SLC35F1: variants seen among roughly 807,000 people sequenced by gnomAD.
The protein encoded by SLC35F1 is solute carrier family 35 member F1.
In SLC35F1, 14 loss-of-function variants were observed where a neutral mutation model predicts 48.7. That is an observed-to-expected ratio of 0.29 (90% CI 0.19 to 0.45). The LOEUF (loss-of-function observed/expected upper bound fraction) is 0.45. SLC35F1 is among the 20% of genes least tolerant of loss of function. The pLI is 1.00. For missense variants in SLC35F1, 404 were observed against 500.0 expected, an observed-to-expected ratio of 0.81 and a Z score of 1.83; for synonymous variants, 190 against 202.2, an observed-to-expected ratio of 0.94 and a Z score of 0.51.
rs1186188932 is a variant in SLC35F1 at position 118,227,195 on chromosome 6, A to C, written c.350-8314A>C. Reference sequence around the variant, plus strand: ...GCTTTCTGGAGCCTGGAAACATGGCAGCCCTGAGGGAGAGGCCCAACCTGG... The same window carrying C: ...GCTTTCTGGAGCCTGGAAACATGGCCGCCCTGAGGGAGAGGCCCAACCTGG... On this transcript the variant is annotated intron_variant, in intron 2 of 7. Transcript: ENST00000360388. 2.6e-5 allele frequency among the ~76,000 whole-genome samples: 4 copies of C among 152,198 alleles called. No individual in the cohort carries two copies. In the East Asian group the frequency reaches 7.7e-4, roughly 29 times the overall value.
At position 118,310,380 on chromosome 6, in the gene SLC35F1, G is replaced by A. The variant is rs566798391; in HGVS notation, c.1003-3648G>A. 2.0e-5 allele frequency among the ~76,000 whole-genome samples: 3 copies of A among 152,226 alleles called. No individual in the cohort carries two copies. In the East Asian group the frequency reaches 5.8e-4, roughly 29 times the overall value. On this transcript the variant is annotated intron_variant, in intron 7 of 7. Transcript: ENST00000360388. ...CCTAGATTGTACAATACTTTTGTCT[G>A]GTTGATTGGTTTTTTAAATGAATGT...
rs1351583222 is a variant in SLC35F1 at position 118,284,913 on chromosome 6, TC to T, written c.848-270del. Among the ~76,000 whole-genome samples the T allele has an allele frequency of 8.1e-3, 1,231 of 152,310 alleles. 11 individuals carry two copies. The highest frequency in any genetic ancestry group is 0.028 in the African/African-American group (1,147 of 41,554). ...AAACCTTGATTCTGTGTTCTGACTA[TC>T]GCCACTAAGAGGCACTCCTTCCCAG... is the stretch of plus-strand genomic sequence containing the variant. On this transcript the variant is annotated intron_variant, in intron 6 of 7. Coordinates refer to ENST00000360388, the MANE Select transcript of SLC35F1 (RefSeq NM_001029858.4).
chr6:118,013,674 AT>A (rs1302218977), intron 1 of SLC35F1, among the ~76,000 whole-genome samples: 1 of 152,198 alleles, frequency 6.6e-6, no homozygotes, highest in Non-Finnish European at 1.5e-5. Context: ...TCGGTTTTTG[AT>A]TCATGTGATG....
intron 3 of SLC35F1, among the ~76,000 whole-genome samples, chr6:118,246,022 G>A (rs918952006): frequency 2.4e-4 from 37 of 152,218 alleles, no homozygotes; most frequent in African/African-American, 8.9e-4. Flanking sequence ...TTTCTCTCTA[G>A]TATGGACTTC....
intron 3 of SLC35F1, among the ~76,000 whole-genome samples, chr6:118,242,020 A>G (rs1047661344): frequency 6.6e-6 from 1 of 152,214 alleles, no homozygotes; most frequent in African/African-American, 2.4e-5. Context: ...TTATAAGTAA[A>G]GCTGCTGTGA....
At chr6:118,122,499 A>G (rs751088463) in intron 1 of SLC35F1, among the ~76,000 whole-genome samples, 32 of 152,202 alleles carry the variant, frequency 2.1e-4, no homozygotes, top group Non-Finnish European at 3.8e-4. Flanking sequence ...CCAACTTCCA[A>G]TTTAACCCCA....
At chr6:118,028,296 T>C (rs1771987613) in intron 1 of SLC35F1, among the ~76,000 whole-genome samples, 1 of 152,086 alleles carries the variant, frequency 6.6e-6, no homozygotes, top group Non-Finnish European at 1.5e-5. Flanking sequence ...TCAGTGAATA[T>C]TGTTTCCAGT....
At chr6:118,012,456 C>T (rs1311757732) in intron 1 of SLC35F1, among the ~76,000 whole-genome samples, 2 of 152,020 alleles carry the variant, frequency 1.3e-5, no homozygotes, top group African/African-American at 2.4e-5. Context: ...TTCTAGAGTT[C>T]CATACTTATT....
At chr6:117,978,830 T>C (rs983737003) in intron 1 of SLC35F1, among the ~76,000 whole-genome samples, 1 of 152,230 alleles carries the variant, frequency 6.6e-6, no homozygotes, top group Non-Finnish European at 1.5e-5. Flanking sequence ...TCCCATTACT[T>C]ACACTCCAAA....
intron 4 of SLC35F1, among the ~76,000 whole-genome samples, chr6:118,267,965 G>T (rs1775799434): frequency 1.3e-5 from 2 of 152,054 alleles, no homozygotes; most frequent in South Asian, 4.1e-4. Flanking sequence ...ATTAGAAATG[G>T]GATAGAAAGT....
intron 1 of SLC35F1, among the ~76,000 whole-genome samples, chr6:118,144,242 G>A (rs1394148754): frequency 1.3e-5 from 2 of 152,108 alleles, no homozygotes; most frequent in Non-Finnish European, 2.9e-5. Flanking sequence ...ATACACTACA[G>A]AATACTATGC....
intron 1 of SLC35F1, among the ~76,000 whole-genome samples, chr6:118,018,783 A>T (rs1334439391): frequency 6.6e-6 from 1 of 152,184 alleles, no homozygotes. Flanking sequence ...TTGCAGTGGT[A>T]TGCAGTCCAG....
chr6:118,054,370 G>T (rs535886531), intron 1 of SLC35F1, among the ~76,000 whole-genome samples: 99 of 152,144 alleles, frequency 6.5e-4, no homozygotes, highest in Admixed American at 1.9e-3. Context: ...AAATAAAAAG[G>T]GTACTGTTTT....
At chr6:118,253,625 C>T (rs1316681231) in intron 3 of SLC35F1, among the ~76,000 whole-genome samples, 1 of 151,904 alleles carries the variant, frequency 6.6e-6, no homozygotes, top group Non-Finnish European at 1.5e-5. Flanking sequence ...GAACAAGATG[C>T]ATCCACAAAA....
chr6:117,986,635 G>C (rs1582601672), intron 1 of SLC35F1, among the ~76,000 whole-genome samples: 1 of 152,114 alleles, frequency 6.6e-6, no homozygotes, highest in Admixed American at 6.5e-5. Context: ...CTGCCTGGCT[G>C]ACCCCAATGC....
intron 1 of SLC35F1, chr6:117,999,144 T>C (rs990633529): frequency 1.3e-5 from 20 of 1,593,630 alleles, no homozygotes; most frequent in Non-Finnish European, 1.7e-5. Context: ...CTAAAGAAGA[T>C]GCAGGCCAAC....
At chr6:117,949,085 A>G (rs1385445666) in intron 1 of SLC35F1, among the ~76,000 whole-genome samples, 1 of 152,176 alleles carries the variant, frequency 6.6e-6, no homozygotes, top group Non-Finnish European at 1.5e-5. Context: ...ATTCTGAAAC[A>G]ACCCTCTGAG....
intron 1 of SLC35F1, among the ~76,000 whole-genome samples, chr6:118,117,571 A>G (rs1416413497): frequency 6.6e-6 from 1 of 152,192 alleles, no homozygotes; most frequent in Admixed American, 6.5e-5. Flanking sequence ...GTCCAGGGTA[A>G]AATTTTTAAA....
At chr6:118,111,686 A>G (rs139619786) in intron 1 of SLC35F1, among the ~76,000 whole-genome samples, 2,305 of 152,316 alleles carry the variant, frequency 0.015, 28 homozygotes, top group Non-Finnish European at 0.021. Flanking sequence ...ATGTAAAATA[A>G]AATTTTGTTA....
Sources: allele counts gnomAD v4.1 joint callset (sites outside exome capture counted in the v4.1 genomes callset), GRCh38; gene constraint gnomAD v4.1.1; transcripts MANE v1.5; gene names NCBI Gene and HGNC (gene_info 2026-07-23, HGNC 2026-07-21).